NPIPB2: variants seen among roughly 807,000 people sequenced by gnomAD.
The protein encoded by NPIPB2 is nuclear pore complex-interacting protein family member B2.
In NPIPB2, 27 loss-of-function variants were observed where a neutral mutation model predicts 30.8. The observed-to-expected ratio is 0.88, with a 90% confidence interval of 0.65 to 1.21. The LOEUF (loss-of-function observed/expected upper bound fraction) is 1.21, where lower values mean the gene tolerates loss of function less well. Ranked by LOEUF, NPIPB2 falls within the 50% of genes most tolerant of loss-of-function variation. NPIPB2 has a pLI of 0.00. For synonymous variants in NPIPB2, 147 were observed against 162.0 expected (o/e 0.91, Z 0.70); for missense variants, 440 against 446.2 (o/e 0.99, Z 0.13).
intron 1 of NPIPB2, chr16:11,966,173 G>C (rs368200103): frequency 5.9e-5 from 94 of 1,596,516 alleles, no homozygotes; most frequent in Non-Finnish European, 7.6e-5. Flanking sequence ...CTCATTATCT[G>C]TCTGATGTTC....
chr16:11,937,436 A>G, intron 2 of NPIPB2, 104 bp downstream of exon 2: 1 of 704,910 alleles, frequency 1.4e-6, no homozygotes, highest in South Asian at 2.1e-5. Context: ...TTTTTTGGGT[A>G]AAACCACATA....
At chr16:11,972,271 T>A (rs986426303) in intron 1 of NPIPB2, among the ~76,000 whole-genome samples, 2 of 152,182 alleles carry the variant, frequency 1.3e-5, no homozygotes, top group African/African-American at 4.8e-5. Flanking sequence ...TTGTAAATGT[T>A]TCCTACTAAG....
intron 1 of NPIPB2, among the ~76,000 whole-genome samples, chr16:11,969,589 G>C (rs570760420): frequency 2.6e-5 from 4 of 152,274 alleles, no homozygotes; most frequent in African/African-American, 9.6e-5. Context: ...GCTAACTTAT[G>C]TACTTCTGCA....
chr16:11,941,927 T>A (rs3971887), intron 1 of NPIPB2, 56 bp downstream of exon 1: 1 of 1,021,702 alleles, frequency 9.8e-7, no homozygotes, highest in African/African-American at 1.6e-5. Flanking sequence ...AAGGTCACTT[T>A]TGGCGACAAA....
At chr16:11,940,832 G>A (rs2054929172) in intron 1 of NPIPB2, among the ~76,000 whole-genome samples, 1 of 145,716 alleles carries the variant, frequency 6.9e-6, no homozygotes, top group African/African-American at 2.5e-5. Context: ...ACTTTGTTTT[G>A]GTCCATTTTG....
chr16:11,937,513 A>C, intron 2 of NPIPB2, 27 bp downstream of exon 2: 2 of 1,284,584 alleles, frequency 1.6e-6, no homozygotes, highest in Non-Finnish European at 2.2e-6. Context: ...TTACAAGTAT[A>C]CCTCTACAGA....
intron 1 of NPIPB2, among the ~76,000 whole-genome samples, chr16:11,959,302 C>T (rs1183831158): frequency 6.6e-6 from 1 of 152,100 alleles, no homozygotes; most frequent in Non-Finnish European, 1.5e-5. Context: ...ATGCTCCTAG[C>T]CAGGCACAGT....
chr16:11,969,177 G>A (rs759244771), intron 1 of NPIPB2, among the ~76,000 whole-genome samples: 3 of 151,858 alleles, frequency 2.0e-5, no homozygotes, highest in Non-Finnish European at 4.4e-5. Context: ...CCAGTCATAC[G>A]CTTCTATGGT....
intron 2 of NPIPB2, among the ~76,000 whole-genome samples, chr16:11,936,315 AG>A (rs1175982454): frequency 1.3e-5 from 2 of 152,058 alleles, no homozygotes; most frequent in African/African-American, 4.8e-5. Context: ...GGGTGAGAAA[AG>A]AAAAAAAAAA....
At chr16:11,965,564 C>A (rs2055187002) in intron 1 of NPIPB2, 2 of 1,163,346 alleles carry the variant, frequency 1.7e-6, no homozygotes, top group South Asian at 3.5e-5. Flanking sequence ...TTTCTTGAAT[C>A]AAAAAGAGAA....
intron 4 of NPIPB2, among the ~76,000 whole-genome samples, chr16:11,931,667 G>A (rs547854690): frequency 0.012 from 1,701 of 142,048 alleles, 37 homozygotes; most frequent in African/African-American, 0.043. Flanking sequence ...TTGGGAACTA[G>A]AAACACAAAA....
At chr16:11,958,911 G>T (rs902690579) in intron 1 of NPIPB2, among the ~76,000 whole-genome samples, 2 of 152,186 alleles carry the variant, frequency 1.3e-5, no homozygotes, top group African/African-American at 4.8e-5. Context: ...TGAAGATCTG[G>T]GAGTGGGACC....
chr16:11,933,118 G>T (rs1402882178), intron 4 of NPIPB2, among the ~76,000 whole-genome samples: 3 of 151,874 alleles, frequency 2.0e-5, no homozygotes, highest in African/African-American at 7.3e-5. Flanking sequence ...AAAATTAGCT[G>T]GGCGTGGTGG....
intron 1 of NPIPB2, among the ~76,000 whole-genome samples, chr16:11,947,311 T>TA (rs1229075253): frequency 1.3e-5 from 1 of 74,194 alleles, no homozygotes; most frequent in African/African-American, 2.8e-5. Context: ...TTTATTTATT[T>TA]ATTTATTTAT....
At chr16:11,932,469 C>T (rs905608664) in intron 4 of NPIPB2, among the ~76,000 whole-genome samples, 8 of 151,668 alleles carry the variant, frequency 5.3e-5, no homozygotes, top group African/African-American at 1.9e-4. Flanking sequence ...TGGTGAACCC[C>T]TGTCTCTACT....
At chr16:11,941,517 A>G (rs978273603) in intron 1 of NPIPB2, among the ~76,000 whole-genome samples, 1 of 151,474 alleles carries the variant, frequency 6.6e-6, no homozygotes. Flanking sequence ...GCGCTGGTGG[A>G]AGGTTTAGCT....
chr16:11,973,162 C>CAAAAAAA (rs34947493), intron 1 of NPIPB2, among the ~76,000 whole-genome samples: 2 of 73,036 alleles, frequency 2.7e-5, no homozygotes, highest in Non-Finnish European at 5.9e-5. Context: ...GTGAAACTGT[C>CAAAAAAA]AAAAAAAAAA....
At chr16:11,970,145 T>TA (rs1052548892) in intron 1 of NPIPB2, among the ~76,000 whole-genome samples, 31 of 152,174 alleles carry the variant, frequency 2.0e-4, no homozygotes, top group African/African-American at 6.7e-4. Context: ...GGTCAGGAGT[T>TA]AGAGACCAGC....
intron 5 of NPIPB2, among the ~76,000 whole-genome samples, chr16:11,930,048 C>T (rs1046801526): frequency 7.8e-6 from 1 of 127,422 alleles, no homozygotes. Flanking sequence ...GCTGTATTCT[C>T]TTTGTATTAA....
Sources: gnomAD v4.1 joint callset for allele counts (sites outside exome capture counted in the v4.1 genomes callset) on GRCh38, gnomAD v4.1.1 for gene constraint, MANE v1.5 for transcripts, NCBI Gene and HGNC (gene_info 2026-07-23, HGNC 2026-07-21) for gene names.